ANTXR2: variants seen among roughly 807,000 people sequenced by gnomAD.
ANTXR2 encodes the protein anthrax toxin receptor 2.
In ANTXR2, 44 loss-of-function variants were observed where a neutral mutation model predicts 73.7. The ratio of observed to expected loss-of-function variants is 0.60; its 90% CI spans 0.47 to 0.77. ANTXR2 has a LOEUF of 0.77. Ranked by LOEUF, ANTXR2 falls within the 30% of genes least tolerant of loss-of-function variation. The pLI is 0.00. For synonymous variants in ANTXR2, 217 were observed against 205.9 expected (o/e 1.05, Z -0.46); for missense variants, 604 against 592.5 (o/e 1.02, Z -0.20).
chr4:80,018,787 G>A, intron 11 of ANTXR2, 111 bp downstream of exon 11: 1 of 913,068 alleles, frequency 1.1e-6, no homozygotes, highest in Admixed American at 3.8e-5. Context: ...GGTCTCCAAT[G>A]TTATTGTTTG....
intron 16 of ANTXR2, among the ~76,000 whole-genome samples, chr4:79,961,813 G>C (rs1365043186): frequency 6.6e-6 from 1 of 152,086 alleles, no homozygotes; most frequent in African/African-American, 2.4e-5. Flanking sequence ...CCAGTGCATT[G>C]AGAAGAGGTA....
intron 11 of ANTXR2, among the ~76,000 whole-genome samples, chr4:80,012,882 G>A (rs544918758): frequency 6.6e-6 from 1 of 152,292 alleles, no homozygotes; most frequent in South Asian, 2.1e-4. Context: ...AATGTTGGAG[G>A]TATCTTCCTG....
Position 79,977,239 on chromosome 4 carries a change from G to A in ANTXR2, c.1428+382C>T, listed in dbSNP as rs1729674895. 2.0e-5 allele frequency among the ~76,000 whole-genome samples: 3 copies of A among 152,266 alleles called. No homozygotes were observed. The South Asian group carries it at 6.2e-4, about 32-fold the overall frequency. Reference sequence around the variant, plus strand: ...TTTATATCTATAAAACAGATTCTGAGGCCTTTGCCCTAGGCCTTATTGCTA... The same window carrying A: ...TTTATATCTATAAAACAGATTCTGAAGCCTTTGCCCTAGGCCTTATTGCTA... On this transcript the variant is annotated intron_variant, in intron 16 of 16. Transcript: ENST00000403729.
chr4:80,024,322 T>C (rs1309615341), intron 10 of ANTXR2, among the ~76,000 whole-genome samples: 3 of 152,296 alleles, frequency 2.0e-5, no homozygotes, highest in East Asian at 3.9e-4. Flanking sequence ...CCAAGTGACT[T>C]TGTAGACATT....
At chr4:80,034,124 A>G (rs1047988934) in intron 8 of ANTXR2, among the ~76,000 whole-genome samples, 3 of 152,124 alleles carry the variant, frequency 2.0e-5, no homozygotes, top group Non-Finnish European at 4.4e-5. Flanking sequence ...ATAAATAATC[A>G]AAAGATCACG....
chr4:79,977,554 A>C (rs1560928137), intron 16 of ANTXR2, 67 bp downstream of exon 16: 1 of 1,529,722 alleles, frequency 6.5e-7, no homozygotes, highest in Admixed American at 2.2e-5. Flanking sequence ...TTTTATTACT[A>C]TTTCCCTGCC....
chr4:80,021,436 T>C (rs529763397), intron 10 of ANTXR2, among the ~76,000 whole-genome samples: 2 of 152,286 alleles, frequency 1.3e-5, no homozygotes, highest in Non-Finnish European at 2.9e-5. Flanking sequence ...TTGGCATGGT[T>C]TTATTTTTTG....
chr4:80,030,227 T>A (rs1732626341), intron 10 of ANTXR2, among the ~76,000 whole-genome samples: 1 of 151,968 alleles, frequency 6.6e-6, no homozygotes, highest in African/African-American at 2.4e-5. Context: ...CAATAATGAC[T>A]CAAAAGATTT....
chr4:79,996,314 G>GGT (rs1730721287), intron 12 of ANTXR2, among the ~76,000 whole-genome samples: 3 of 141,360 alleles, frequency 2.1e-5, no homozygotes, highest in Non-Finnish European at 4.7e-5. Flanking sequence ...TGGACGGATG[G>GGT]ATATATGGAT....
chr4:79,985,688 CT>C (rs1431042575), intron 12 of ANTXR2, among the ~76,000 whole-genome samples: 3 of 152,286 alleles, frequency 2.0e-5, no homozygotes, highest in Admixed American at 1.3e-4. Flanking sequence ...TGGCACCTGA[CT>C]GTAACCACAA....
intron 3 of ANTXR2, among the ~76,000 whole-genome samples, chr4:80,067,508 C>A (rs765119773): frequency 1.3e-5 from 2 of 152,122 alleles, no homozygotes; most frequent in Non-Finnish European, 1.5e-5. Context: ...TATAGGAATG[C>A]CATAAATGTT....
intron 7 of ANTXR2, among the ~76,000 whole-genome samples, chr4:80,049,540 T>A (rs1036166601): frequency 3.3e-5 from 5 of 151,754 alleles, no homozygotes; most frequent in Non-Finnish European, 7.4e-5. Context: ...TTTTCTAGCC[T>A]TTCCATTCCA....
At chr4:79,985,153 C>A (rs1259676569) in intron 12 of ANTXR2, among the ~76,000 whole-genome samples, 1 of 151,882 alleles carries the variant, frequency 6.6e-6, no homozygotes, top group Non-Finnish European at 1.5e-5. Context: ...TCGAGACCAT[C>A]CTGGCTAACA....
intron 14 of ANTXR2, among the ~76,000 whole-genome samples, chr4:79,981,974 C>T (rs1261469174): frequency 6.6e-6 from 1 of 152,130 alleles, no homozygotes; most frequent in Non-Finnish European, 1.5e-5. Context: ...TGTGTGTATG[C>T]TCTTGGCTCT....
intron 16 of ANTXR2, among the ~76,000 whole-genome samples, chr4:79,909,711 C>T (rs763511309): frequency 6.6e-6 from 1 of 152,050 alleles, no homozygotes; most frequent in Non-Finnish European, 1.5e-5. Context: ...AACACACACC[C>T]GTTAACAAAA....
At chr4:79,981,022 G>A (rs1392431191) in intron 14 of ANTXR2, among the ~76,000 whole-genome samples, 1 of 151,784 alleles carries the variant, frequency 6.6e-6, no homozygotes, top group Non-Finnish European at 1.5e-5. Flanking sequence ...TGTAGCCCCA[G>A]CTACATGAGA....
intron 7 of ANTXR2, among the ~76,000 whole-genome samples, chr4:80,049,123 T>TC (rs1180987951): frequency 1.1e-5 from 1 of 89,908 alleles, no homozygotes; most frequent in African/African-American, 3.4e-5. Context: ...TCTGAGGTAT[T>TC]CTTAAAAAAA....
At chr4:79,931,444 G>A (rs948637414) in intron 16 of ANTXR2, among the ~76,000 whole-genome samples, 6 of 116,880 alleles carry the variant, frequency 5.1e-5, no homozygotes, top group African/African-American at 1.4e-4. Flanking sequence ...GGATTTCCTC[G>A]CTTCTTCTCT....
chr4:79,992,696 A>G (rs774099094), intron 12 of ANTXR2, among the ~76,000 whole-genome samples: 2 of 152,086 alleles, frequency 1.3e-5, no homozygotes, highest in Admixed American at 6.6e-5. Flanking sequence ...TCATATGACT[A>G]TGAACTTGCA....
Sources: allele counts gnomAD v4.1 joint callset (sites outside exome capture counted in the v4.1 genomes callset), GRCh38; gene constraint gnomAD v4.1.1; transcripts MANE v1.5; gene names NCBI Gene and HGNC (gene_info 2026-07-23, HGNC 2026-07-21).